Variants in CCNJL observed in about 807,000 individuals in gnomAD.
CCNJL encodes cyclin-J-like protein.
CCNJL carries 33 observed loss-of-function variants against 33.4 expected under a neutral mutation model. The ratio of observed to expected loss-of-function variants is 0.99; its 90% CI spans 0.75 to 1.32. The LOEUF is 1.32. Among genes scored for constraint, CCNJL ranks in the 40% most tolerant of loss-of-function variants. The pLI is 0.00. For missense variants in CCNJL, 512 were observed against 499.7 expected (o/e 1.02, Z -0.23); for synonymous variants, 227 against 220.9 (o/e 1.03, Z -0.24).
intron 1 of CCNJL, among the ~76,000 whole-genome samples, chr5:160,322,747 G>T (rs1442961247): frequency 2.9e-5 from 4 of 138,508 alleles, no homozygotes; most frequent in African/African-American, 5.4e-5. Context: ...CTCTACTAAA[G>T]CTACAAAAAT....
rs1351639516 is a variant in CCNJL at position 160,253,439 on chromosome 5, G to T, written c.1103C>A (p.Thr368Asn). Residue 368 changes from threonine (T) to asparagine (N), a missense_variant, in exon 6 of 6, where the codon ACC becomes AAC. By Grantham distance (65) the Thr-to-Asn change is moderately conservative. Coordinates refer to ENST00000257536, the MANE Select transcript of CCNJL (RefSeq NM_001308173.3). ...AAEPRHCLAT[T>N]YGSSYFSGSH... ...CCCACTGAAGTAGCTGCTTCCATAG[G>T]TGGTGGCGAGGCAGTGCCTGGGCTC... 6.2e-7 allele frequency: 1 copy of T among 1,610,572 alleles called. No individual in the cohort carries two copies. Among genetic ancestry groups the T allele is most frequent in the African/African-American group, 1.3e-5 (1 of 75,008 alleles).
intron 1 of CCNJL, among the ~76,000 whole-genome samples, chr5:160,334,868 C>G (rs1763663658): frequency 6.6e-6 from 1 of 152,234 alleles, no homozygotes; most frequent in Non-Finnish European, 1.5e-5. Flanking sequence ...TGAGCCTTTC[C>G]AACAACTGCC....
intron 2 of CCNJL, among the ~76,000 whole-genome samples, chr5:160,290,610 G>T (rs1762551677): frequency 6.6e-6 from 1 of 152,020 alleles, no homozygotes; most frequent in Admixed American, 6.6e-5. Context: ...TCATGCTTCT[G>T]TGAGATCCCC....
At chr5:160,307,681 C>T (rs1763133904) in intron 2 of CCNJL, among the ~76,000 whole-genome samples, 1 of 152,100 alleles carries the variant, frequency 6.6e-6, no homozygotes, top group African/African-American at 2.4e-5. Context: ...AAGGGGCACA[C>T]GTAGCAGGCA....
At chr5:160,256,733 T>C (rs987739081) in intron 4 of CCNJL, among the ~76,000 whole-genome samples, 5 of 151,542 alleles carry the variant, frequency 3.3e-5, no homozygotes, top group Admixed American at 6.6e-5. Context: ...CTGGCCAACA[T>C]GGTGAAACCC....
rs762197142 is a variant in CCNJL, at chr5:160,280,552, C to T, written c.253G>A (p.Val85Met). The T allele has an allele frequency of 1.6e-5, 26 of 1,613,046 alleles. No individual in the cohort carries two copies. The highest frequency in any genetic ancestry group is 2.2e-5 in the South Asian group (2 of 91,064). The change falls in exon 3 of 6, where the codon GTG (valine) becomes ATG (methionine). Residue 85 changes from valine to methionine, a missense_variant. Val to Met is a conservative substitution (Grantham distance 21, BLOSUM62 1). Transcript: ENST00000257536. The stretch of plus-strand genomic sequence containing the variant: ...GCAAGCAGGAGGCAGGAGACGGCCA[C>T]GGTGTAGAGCTGCTTGGAGGTGGTG... ...NVTTSKQLYTVAVSCLLLASK... is the reference protein window; with the variant it reads ...NVTTSKQLYTMAVSCLLLASK...
At chr5:160,329,040 C>T (rs1025307358) in intron 1 of CCNJL, among the ~76,000 whole-genome samples, 1 of 152,178 alleles carries the variant, frequency 6.6e-6, no homozygotes, top group Admixed American at 6.5e-5. Context: ...GCTCCCCTGC[C>T]TCACTGGAAC....
At chr5:160,254,599 G>A (rs1760971528) in intron 5 of CCNJL, 1 of 356,738 alleles carries the variant, frequency 2.8e-6, no homozygotes, top group East Asian at 4.3e-5. Context: ...TGCCCACACA[G>A]CCCACCAGTC....
At position 160,250,328 on chromosome 5, in the gene CCNJL, C is replaced by T. The variant is rs965000457; in HGVS notation, c.*3050G>A. The T allele has an allele frequency of 2.6e-5, 4 of 152,228 alleles. No individual in the cohort carries two copies. The highest frequency in any genetic ancestry group is 4.8e-5 in the African/African-American group (2 of 41,444). 9.4% of individuals were successfully genotyped at this position (152,228 alleles called of 1,614,324 possible). A position where few individuals can be genotyped will look rare whatever the true frequency, so the allele number is the denominator to read the frequency against. On this transcript the variant is annotated 3_prime_UTR_variant, in exon 6 of 6. Transcript: ENST00000257536. ...CCAAGACTTGCCTTGTCTCTGAATC[C>T]CCAAAACTTAGAGCTTCCTGCCTCA...
chr5:160,336,924 G>A (rs772202758), intron 1 of CCNJL, among the ~76,000 whole-genome samples: 17 of 150,958 alleles, frequency 1.1e-4, no homozygotes, highest in Non-Finnish European at 2.5e-4. Flanking sequence ...GCAACCACTT[G>A]GGGCCAAGCT....
intron 1 of CCNJL, among the ~76,000 whole-genome samples, chr5:160,328,316 G>A (rs748450607): frequency 3.3e-5 from 5 of 152,218 alleles, no homozygotes; most frequent in Non-Finnish European, 7.3e-5. Flanking sequence ...TGCAGCATGA[G>A]AGTGAGTTAG....
chr5:160,257,181 A>T (rs1300798230), intron 4 of CCNJL, among the ~76,000 whole-genome samples: 1 of 151,544 alleles, frequency 6.6e-6, no homozygotes, highest in Non-Finnish European at 1.5e-5. Context: ...TCTCTAAAAA[A>T]ATTTAAAAAA....
chr5:160,306,294 C>T (rs1490797376), intron 2 of CCNJL, among the ~76,000 whole-genome samples: 6 of 133,082 alleles, frequency 4.5e-5, no homozygotes, highest in African/African-American at 1.4e-4. Flanking sequence ...AAAAAAAAAG[C>T]GGTCTCACAG....
At position 160,338,880 on chromosome 5, in the gene CCNJL, C is replaced by T. The variant is rs372623160; in HGVS notation, n.206+565G>A. ...GATCTCAGCTCATTGCCACTTCTAC[C>T]TCCGGGTCCAAGCGATTCTCCTGCC... On this transcript the variant is annotated intron_variant and non_coding_transcript_variant, in intron 1 of 7. Coordinates refer to the CCNJL transcript ENST00000377503. Among the ~76,000 whole-genome samples, 137 of 152,192 alleles carry T rather than the reference C, an allele frequency of 9.0e-4. 1 individual carries two copies. Among genetic ancestry groups the T allele is most frequent in the African/African-American group, 3.3e-3 (136 of 41,528 alleles).
Position 160,280,676 on chromosome 5 carries a change from C to G in CCNJL, c.129G>C (p.Val43=). The part of the protein sequence containing the change: ...SPLLKSRRFF[V]DILTLLSSHC... ...GGCTGCTCAGCAGGGTCAGGATGTC[C>G]ACGAAGAACCGGCGGCTCTTCAGGA... The change falls in exon 3 of 6, where the codon GTG becomes GTC. Residue 43 remains valine, a synonymous_variant. Coordinates refer to ENST00000257536, the MANE Select transcript of CCNJL (RefSeq NM_001308173.3). 1 of 1,613,430 alleles carries G rather than the reference C, an allele frequency of 6.2e-7. No individual in the cohort carries two copies. The highest frequency in any genetic ancestry group is 8.5e-7 in the Non-Finnish European group (1 of 1,179,868).
intron 2 of CCNJL, among the ~76,000 whole-genome samples, chr5:160,297,420 T>C (rs1429962055): frequency 6.6e-6 from 1 of 152,144 alleles, no homozygotes; most frequent in East Asian, 1.9e-4. Context: ...GAATGCTGAA[T>C]CCCCTCTTCC....
chr5:160,251,400 A>T lies in CCNJL; in HGVS notation c.*1978T>A, dbSNP rs1182790137. ...TTCCTTAAAATAAATCTCTCTCCAT[A>T]TATATCCTACTGGTTTCTTTGGAAA... On this transcript the variant is annotated 3_prime_UTR_variant, in exon 6 of 6. Coordinates refer to ENST00000257536, the MANE Select transcript of CCNJL (RefSeq NM_001308173.3). 6.6e-6 allele frequency: 1 copy of T among 152,096 alleles called. No homozygotes were observed. Among genetic ancestry groups the T allele is most frequent in the Admixed American group, 6.6e-5 (1 of 15,262 alleles). The allele number at this position is 152,096 out of a possible 1,614,324, so 9.4% of individuals were successfully genotyped here. A position where few individuals can be genotyped will look rare whatever the true frequency, so the allele number is the denominator to read the frequency against.
intron 1 of CCNJL, among the ~76,000 whole-genome samples, chr5:160,338,212 C>G (rs1763705766): frequency 6.7e-6 from 1 of 148,950 alleles, no homozygotes; most frequent in South Asian, 2.1e-4. Context: ...CCCTGGGTAA[C>G]ATGGTGAAAC....
intron 3 of CCNJL, among the ~76,000 whole-genome samples, chr5:160,271,779 C>G (rs1761842546): frequency 6.6e-6 from 1 of 152,250 alleles, no homozygotes; most frequent in Non-Finnish European, 1.5e-5. Flanking sequence ...TTGCACACAT[C>G]AAATGTAAGA....
Sources: allele counts gnomAD v4.1 joint callset (sites outside exome capture counted in the v4.1 genomes callset), GRCh38; gene constraint gnomAD v4.1.1; transcripts MANE v1.5; gene names NCBI Gene and HGNC (gene_info 2026-07-23, HGNC 2026-07-21).